The following COLGALT2 variants were observed in gnomAD, a reference collection of about 807,000 sequenced individuals.
COLGALT2 encodes the protein procollagen galactosyltransferase 2.
COLGALT2 carries 49 observed loss-of-function variants against 73.4 expected under a neutral mutation model. The observed-to-expected ratio is 0.67, with a 90% CI of 0.53 to 0.85. COLGALT2 has a LOEUF of 0.85. Among genes scored for constraint, COLGALT2 ranks in the 40% least tolerant of loss-of-function variants. COLGALT2 has a pLI of 0.00. For missense variants in COLGALT2, 722 were observed against 790.2 expected, an observed-to-expected ratio of 0.91 and a Z score of 1.03; for synonymous variants, 295 against 307.6, an observed-to-expected ratio of 0.96 and a Z score of 0.43.
At chr1:184,037,038 G>T in intron 1 of COLGALT2, 57 bp downstream of exon 1, 4 of 1,327,818 alleles carry the variant, frequency 3.0e-6, no homozygotes, top group South Asian at 3.9e-5. Context: ...CGCTGTCCGC[G>T]CTGGGCAGGC....
chr1:183,934,070 G>T (rs1164648118), downstream of COLGALT2, among the ~76,000 whole-genome samples: 2 of 152,198 alleles, frequency 1.3e-5, no homozygotes. Flanking sequence ...GTAATTCACA[G>T]AGCAGAAAGG....
chr1:183,984,132 G>A (rs2102824503), intron 1 of COLGALT2, among the ~76,000 whole-genome samples: 1 of 152,340 alleles, frequency 6.6e-6, no homozygotes, highest in African/African-American at 2.4e-5. Context: ...GGAAAGGCTG[G>A]ACACAGTGGC....
At chr1:183,930,405 T>A (rs1292108396) in intron 11 of COLGALT2, 1 of 405,168 alleles carries the variant, frequency 2.5e-6, no homozygotes, top group Admixed American at 2.8e-5. Context: ...AATTTAATTT[T>A]ATTTTTTGGA....
chr1:184,034,759 G>A (rs572026352), intron 1 of COLGALT2, among the ~76,000 whole-genome samples: 3 of 152,280 alleles, frequency 2.0e-5, no homozygotes, highest in South Asian at 2.1e-4. Flanking sequence ...ATTATTATGT[G>A]TGGAATTTAT....
chr1:183,932,472 A>G (rs929798119), downstream of COLGALT2, among the ~76,000 whole-genome samples: 1 of 151,592 alleles, frequency 6.6e-6, no homozygotes, highest in East Asian at 1.9e-4. Flanking sequence ...AAGCCCTCCA[A>G]CCTCCTCCCG....
At chr1:183,966,388 A>G (rs1251318834) in intron 5 of COLGALT2, among the ~76,000 whole-genome samples, 1 of 152,210 alleles carries the variant, frequency 6.6e-6, no homozygotes, top group Non-Finnish European at 1.5e-5. Flanking sequence ...GTACCTTAAC[A>G]TTGCAGATTG....
intron 1 of COLGALT2, among the ~76,000 whole-genome samples, chr1:183,999,316 A>G (rs905234757): frequency 7.9e-5 from 12 of 151,834 alleles, no homozygotes; most frequent in African/African-American, 2.9e-4. Context: ...TGTAAACTCA[A>G]CTCAATGCAG....
intron 6 of COLGALT2, 78 bp downstream of exon 6, chr1:183,963,823 G>C (rs755852925): frequency 9.5e-6 from 13 of 1,365,066 alleles, no homozygotes; most frequent in Non-Finnish European, 1.2e-5. Context: ...TTCCAATCCT[G>C]GAAGAGGAGG....
intron 11 of COLGALT2, among the ~76,000 whole-genome samples, chr1:183,940,241 T>A (rs1251136694): frequency 6.6e-6 from 1 of 152,166 alleles, no homozygotes; most frequent in African/African-American, 2.4e-5. Flanking sequence ...GAACTGGAAA[T>A]TTTGAGGTGC....
At chr1:184,031,569 T>C (rs938219007) in intron 1 of COLGALT2, among the ~76,000 whole-genome samples, 4 of 152,232 alleles carry the variant, frequency 2.6e-5, no homozygotes, top group East Asian at 1.9e-4. Context: ...CTAGAACTAA[T>C]TGGTCTTTTC....
At chr1:184,008,568 A>G (rs1305728521) in intron 1 of COLGALT2, among the ~76,000 whole-genome samples, 1 of 152,054 alleles carries the variant, frequency 6.6e-6, no homozygotes, top group Non-Finnish European at 1.5e-5. Context: ...CACCTCCACA[A>G]GTTTTCTTTA....
downstream of COLGALT2, chr1:183,935,809 T>C: frequency 1.0e-6 from 1 of 977,606 alleles, no homozygotes; most frequent in Non-Finnish European, 1.2e-6. Context: ...GATCAGTGCC[T>C]GCGGAAGCAA....
intron 1 of COLGALT2, among the ~76,000 whole-genome samples, chr1:184,025,227 T>A (rs1313794069): frequency 6.6e-6 from 1 of 152,276 alleles, no homozygotes; most frequent in Non-Finnish European, 1.5e-5. Context: ...TGCTGCCATC[T>A]GATGCCTAAG....
At chr1:183,995,639 T>C (rs75069047) in intron 1 of COLGALT2, among the ~76,000 whole-genome samples, 2 of 150,210 alleles carry the variant, frequency 1.3e-5, no homozygotes, top group African/African-American at 4.9e-5. Context: ...CGGGTGTGTA[T>C]TTTTTTTTTC....
chr1:183,995,476 G>C (rs1363225150), intron 1 of COLGALT2, among the ~76,000 whole-genome samples: 1 of 152,228 alleles, frequency 6.6e-6, no homozygotes, highest in East Asian at 1.9e-4. Context: ...TGGCTGGAGG[G>C]AGAGGAACAG....
intron 1 of COLGALT2, among the ~76,000 whole-genome samples, chr1:184,007,626 C>T (rs962185982): frequency 1.3e-5 from 2 of 152,156 alleles, no homozygotes; most frequent in East Asian, 3.9e-4. Context: ...TATGTTCCTT[C>T]CTCCTTAGAG....
rs755943872 is a variant in COLGALT2, at chr1:183,940,790, GT to G, written c.1398-4del. 316 of 1,613,138 alleles carry G rather than the reference GT, an allele frequency of 2.0e-4. No individual in the cohort carries two copies. Among genetic ancestry groups the G allele is most frequent in the Admixed American group, 9.5e-4 (57 of 60,028 alleles). On this transcript the variant is annotated splice_region_variant and splice_polypyrimidine_tract_variant and intron_variant, in intron 10 of 11. Transcript: ENST00000361927. The stretch of plus-strand genomic sequence containing the variant: ...GCATCCTCTTCCTACCAATATAACT[GT>G]AAGGAAATGGCAGAGGAGAAAAATT...
chr1:183,946,966 G>A (rs544546244), intron 8 of COLGALT2, among the ~76,000 whole-genome samples: 1 of 152,316 alleles, frequency 6.6e-6, no homozygotes, highest in Admixed American at 6.5e-5. Context: ...GGGAGCTGGA[G>A]CTTGCAGTGA....
chr1:183,951,029 T>C lies in COLGALT2; in HGVS notation c.1114A>G (p.Ile372Val), dbSNP rs1158830899. 8 of 1,613,434 alleles carry C rather than the reference T, an allele frequency of 5.0e-6. No homozygotes were observed. In the African/African-American group the frequency reaches 1.1e-4, roughly 22 times the overall value. Residue 372 changes from isoleucine (I) to valine (V), a missense_variant, in exon 8 of 12, where the codon ATT (isoleucine) becomes GTT (valine). Transcript: ENST00000361927. ...CACTTTCCATCCACAGCCTCGACAATCTTGACCTCAATCTCCTGTTCATAC... is the reference window on the plus strand; with the variant it reads ...CACTTTCCATCCACAGCCTCGACAACCTTGACCTCAATCTCCTGTTCATAC... ...TLYEQEIEVKIVEAVDGKALN... is the reference protein window; with the variant it reads ...TLYEQEIEVKVVEAVDGKALN...
Sources: gnomAD v4.1 joint callset for allele counts (sites outside exome capture counted in the v4.1 genomes callset) on GRCh38, gnomAD v4.1.1 for gene constraint, MANE v1.5 for transcripts, NCBI Gene and HGNC (gene_info 2026-07-23, HGNC 2026-07-21) for gene names.